Variants in SFSWAP observed in about 807,000 individuals in gnomAD.
The protein encoded by SFSWAP is splicing factor SWAP.
In SFSWAP, 17 loss-of-function variants were observed where a neutral mutation model predicts 100.7. The ratio of observed to expected loss-of-function variants is 0.17; its 90% CI spans 0.12 to 0.25. The LOEUF (loss-of-function observed/expected upper bound fraction) is 0.25. SFSWAP is among the 10% of genes least tolerant of loss of function. The probability of loss-of-function intolerance (pLI) is 1.00; values close to 1 mark genes in which losing one functional copy is unlikely to be tolerated. For synonymous variants in SFSWAP, 504 were observed against 510.1 expected, an observed-to-expected ratio of 0.99 and a Z score of 0.16; for missense variants, 1,005 against 1,262.6, an observed-to-expected ratio of 0.80 and a Z score of 3.09.
chr12:131,749,162 G>T (rs1401188055), intron 7 of SFSWAP, among the ~76,000 whole-genome samples: 1 of 152,246 alleles, frequency 6.6e-6, no homozygotes, highest in Non-Finnish European at 1.5e-5. Flanking sequence ...ATTTAAGGCA[G>T]GTGAGGCTGT....
At chr12:131,793,840 G>C (rs186182334) in intron 15 of SFSWAP, among the ~76,000 whole-genome samples, 187 of 152,220 alleles carry the variant, frequency 1.2e-3, no homozygotes, top group Non-Finnish European at 2.1e-3. Context: ...ACCAGTCAGG[G>C]ACGTGCTGAT....
intron 7 of SFSWAP, among the ~76,000 whole-genome samples, chr12:131,735,607 T>C (rs897026501): frequency 1.9e-4 from 29 of 152,216 alleles, no homozygotes; most frequent in African/African-American, 6.5e-4. Flanking sequence ...ACATGCTGTG[T>C]GTGGACCCAA....
intron 11 of SFSWAP, among the ~76,000 whole-genome samples, chr12:131,758,956 A>C (rs1458886792): frequency 6.6e-6 from 1 of 152,140 alleles, no homozygotes; most frequent in African/African-American, 2.4e-5. Flanking sequence ...GCATGGTGGC[A>C]CCCATCTGTG....
At chr12:131,781,242 T>A (rs796506741) in intron 14 of SFSWAP, among the ~76,000 whole-genome samples, 43,572 of 142,904 alleles carry the variant, frequency 0.3, 7,890 homozygotes, top group Non-Finnish European at 0.41. Context: ...TTATTTTTTT[T>A]TTTTTTTTTT....
chr12:131,786,401 G>A, intron 14 of SFSWAP, 62 bp from the exon 15 acceptor site: 3 of 1,522,456 alleles, frequency 2.0e-6, no homozygotes, highest in Admixed American at 2.0e-5. Context: ...AGGGCAGTAG[G>A]AAGCATGACA....
At chr12:131,795,728 G>A (rs1337479632) in intron 15 of SFSWAP, among the ~76,000 whole-genome samples, 3 of 151,800 alleles carry the variant, frequency 2.0e-5, no homozygotes, top group East Asian at 3.9e-4. Context: ...TTCGTGGCAC[G>A]CAGAATCATA....
At chr12:131,793,362 G>A (rs956694535) in intron 15 of SFSWAP, among the ~76,000 whole-genome samples, 1 of 152,116 alleles carries the variant, frequency 6.6e-6, no homozygotes, top group Admixed American at 6.6e-5. Context: ...GTGACTGCAG[G>A]CATGAGCCAC....
intron 13 of SFSWAP, among the ~76,000 whole-genome samples, chr12:131,774,811 A>G (rs913733975): frequency 6.6e-6 from 1 of 152,210 alleles, no homozygotes; most frequent in East Asian, 1.9e-4. Flanking sequence ...ATTACAAGTG[A>G]CATTTGAAAG....
chr12:131,748,572 C>T (rs567756241), intron 7 of SFSWAP, among the ~76,000 whole-genome samples: 1 of 152,354 alleles, frequency 6.6e-6, no homozygotes, highest in South Asian at 2.1e-4. Flanking sequence ...GAGTTCTGTT[C>T]TGTGTGTTAA....
In SFSWAP at chr12:131,771,442, A is replaced by G. The variant is rs193194029; in HGVS notation, c.2142+5134A>G. Among the ~76,000 whole-genome samples the G allele has an allele frequency of 2.6e-5, 4 of 152,010 alleles. No homozygotes were observed. In the East Asian group the frequency reaches 7.7e-4, roughly 29 times the overall value. ...GAGTGCACCCACGGGGGAAATCCTCACCATGGAATTCCTTTTTTAATTTGA... is the reference window on the plus strand; with the variant it reads ...GAGTGCACCCACGGGGGAAATCCTCGCCATGGAATTCCTTTTTTAATTTGA... On this transcript the variant is annotated intron_variant, in intron 13 of 17. Coordinates refer to ENST00000261674, the MANE Select transcript of SFSWAP (RefSeq NM_004592.4).
At position 131,754,374 on chromosome 12, in the gene SFSWAP, T is replaced by C. The variant is rs1397575193; in HGVS notation, c.1329T>C (p.Leu443=). Residue 443 remains leucine, a synonymous_variant, in exon 9 of 18, where the codon CTT becomes CTC. Transcript: ENST00000261674. ...ACAGACTCTTCTCCTGCAGTGCACT[T>C]GCCCCCGTGGCCGCCATCATCCCCC... ...ATSTTTTTSA[L]APVAAIIPPP... 1.0e-5 allele frequency: 16 copies of C among 1,566,262 alleles called. No individual in the cohort carries two copies. Among genetic ancestry groups the C allele is most frequent in the Non-Finnish European group, 1.4e-5 (16 of 1,158,838 alleles).
At chr12:131,791,359 A>C (rs760100951) in intron 15 of SFSWAP, among the ~76,000 whole-genome samples, 60 of 152,142 alleles carry the variant, frequency 3.9e-4, no homozygotes, top group Non-Finnish European at 4.6e-4. Context: ...ACTGCACTCC[A>C]GCCTGGGTGA....
At chr12:131,731,021 G>A (rs888434703) in intron 7 of SFSWAP, among the ~76,000 whole-genome samples, 2 of 152,096 alleles carry the variant, frequency 1.3e-5, no homozygotes, top group East Asian at 3.9e-4. Flanking sequence ...GAGCCTCCTC[G>A]CTGAGCACAG....
At chr12:131,767,691 C>G (rs1883228008) in intron 13 of SFSWAP, among the ~76,000 whole-genome samples, 1 of 152,150 alleles carries the variant, frequency 6.6e-6, no homozygotes, top group South Asian at 2.1e-4. Context: ...AAATCTTTCT[C>G]AACCTAATCT....
At position 131,733,918 on chromosome 12, in the gene SFSWAP, C is replaced by T. The variant is rs1164219218; in HGVS notation, c.1081+5490C>T. 6.6e-6 allele frequency among the ~76,000 whole-genome samples: 1 copy of T among 152,222 alleles called. No individual in the cohort carries two copies. Among genetic ancestry groups the T allele is most frequent in the Non-Finnish European group, 1.5e-5 (1 of 68,024 alleles). On this transcript the variant is annotated intron_variant, in intron 7 of 17. Coordinates refer to ENST00000261674, the MANE Select transcript of SFSWAP (RefSeq NM_004592.4). The surrounding 1 kb of genome is among the most constrained non-coding windows in gnomAD (Gnocchi z 5.1). ...CTCCAGATGACTTACCTCCTAGATA[C>T]AGACAAGACCCCAAACACACACATG...
At chr12:131,755,149 T>C (rs1593152900) in intron 9 of SFSWAP, among the ~76,000 whole-genome samples, 2 of 152,242 alleles carry the variant, frequency 1.3e-5, no homozygotes, top group East Asian at 1.9e-4. Context: ...GTCCCACGCC[T>C]CAGTACTAAT....
chr12:131,715,749 TTTACA>T (rs61509251), intron 3 of SFSWAP, among the ~76,000 whole-genome samples: 21,986 of 152,160 alleles, frequency 0.14, 2,156 homozygotes, highest in East Asian at 0.52. Flanking sequence ...CATTCAAATG[TTTACA>T]TTACATCAAA....
In SFSWAP at chr12:131,726,000, G is replaced by A. The variant is rs1566007972; in HGVS notation, c.832+370G>A. ...TTCAAGTACCACAGTGTTCAGGGCT[G>A]TATAGCTCAATTATACATGGCCACA... On this transcript the variant is annotated intron_variant, in intron 5 of 17. Coordinates refer to ENST00000261674, the MANE Select transcript of SFSWAP (RefSeq NM_004592.4). This position sits in a 1 kb window ranked among gnomAD's most constrained non-coding sequence, Gnocchi z 4.3. Among the ~76,000 whole-genome samples the A allele has an allele frequency of 3.3e-5, 5 of 152,182 alleles. No individual in the cohort carries two copies. The South Asian group carries it at 6.2e-4, about 19-fold the overall frequency.
chr12:131,725,431 C>A lies in SFSWAP; in HGVS notation c.633C>A (p.Ile211=). 1 of 1,614,138 alleles carries A rather than the reference C, an allele frequency of 6.2e-7. No individual in the cohort carries two copies. Among genetic ancestry groups the A allele is most frequent in the Non-Finnish European group, 8.5e-7 (1 of 1,180,036 alleles). Residue 211 remains isoleucine (I), a synonymous_variant, in exon 5 of 18, where the codon ATC becomes ATA. Coordinates refer to ENST00000261674, the MANE Select transcript of SFSWAP (RefSeq NM_004592.4). This position sits in a 1 kb window ranked among gnomAD's most constrained non-coding sequence, Gnocchi z 4.3. ...CACCAACCGCTAAAATGCACGCCATCATCGAGCGCACGGCCAGCTTCGTGT... is the reference window on the plus strand; with the variant it reads ...CACCAACCGCTAAAATGCACGCCATAATCGAGCGCACGGCCAGCTTCGTGT... ...ELPPTAKMHA[I]IERTASFVCR... is the part of the protein sequence containing the mutation.
Sources: allele counts gnomAD v4.1 joint callset (sites outside exome capture counted in the v4.1 genomes callset), GRCh38; gene constraint gnomAD v4.1.1; non-coding constraint Gnocchi (gnomAD v3.1); transcripts MANE v1.5; gene names NCBI Gene and HGNC (gene_info 2026-07-23, HGNC 2026-07-21).